The following LEPROTL1 variants were observed in gnomAD, a reference collection of about 807,000 sequenced individuals.
LEPROTL1 encodes the protein leptin receptor overlapping transcript-like 1.
Under a neutral mutation model 15.4 loss-of-function variants are expected in LEPROTL1, and 6 were observed. The observed-to-expected ratio is 0.39, with a 90% confidence interval of 0.21 to 0.77. The LOEUF (loss-of-function observed/expected upper bound fraction) is 0.77, where lower values mean the gene tolerates loss of function less well. Ranked by LOEUF, LEPROTL1 falls within the 30% of genes least tolerant of loss-of-function variation. The probability of loss-of-function intolerance (pLI) is 0.41; values close to 1 mark genes in which losing one functional copy is unlikely to be tolerated. For synonymous variants in LEPROTL1, 56 were observed against 52.6 expected, an observed-to-expected ratio of 1.06 and a Z score of -0.28; for missense variants, 128 against 158.1, an observed-to-expected ratio of 0.81 and a Z score of 1.02.
chr8:30,119,785 T>C (rs1014672334), intron 3 of LEPROTL1, among the ~76,000 whole-genome samples: 2 of 152,166 alleles, frequency 1.3e-5, no homozygotes, highest in Admixed American at 6.5e-5. Context: ...AAAATGCTTT[T>C]AAGTTGGGCC....
chr8:30,107,057 T>C lies in LEPROTL1; in HGVS notation c.*1195T>C, dbSNP rs1802580030. On this transcript the variant is annotated 3_prime_UTR_variant, in exon 4 of 4. Transcript: ENST00000321250. ...TAGACCATGGTAATAGTAGTTCTTA[T>C]TCTCTAAGGTTATATCATATGTAAT... The C allele has an allele frequency of 4.1e-6, 4 of 973,186 alleles. No homozygotes were observed. The highest frequency in any genetic ancestry group is 5.2e-4 in the Middle Eastern group (1 of 1,918). 60.3% of individuals were successfully genotyped at this position (973,186 alleles called of 1,614,324 possible).
At chr8:30,120,060 C>CATCA (rs1237145855) in intron 3 of LEPROTL1, among the ~76,000 whole-genome samples, 2 of 123,068 alleles carry the variant, frequency 1.6e-5, no homozygotes, top group African/African-American at 5.7e-5. Context: ...AGTGAGACTC[C>CATCA]ATCAATAAAT....
intron 4 of LEPROTL1, among the ~76,000 whole-genome samples, chr8:30,135,847 G>A (rs542584003): frequency 3.4e-4 from 51 of 150,428 alleles, no homozygotes; most frequent in African/African-American, 7.1e-4. Flanking sequence ...CCAGGAGGTC[G>A]AGGCTGCAGT....
At chr8:30,124,298 T>C (rs1326953215) in intron 3 of LEPROTL1, among the ~76,000 whole-genome samples, 1 of 152,164 alleles carries the variant, frequency 6.6e-6, no homozygotes, top group African/African-American at 2.4e-5. Context: ...TTCTTCCTTA[T>C]CTACCCAGTA....
At chr8:30,105,061 G>C (rs564251696) in intron 3 of LEPROTL1, 1 of 152,440 alleles carries the variant, frequency 6.6e-6, no homozygotes, top group South Asian at 2.1e-4. Flanking sequence ...AACTCCCCCA[G>C]TGCTGAACAA....
At chr8:30,096,333 T>G in intron 1 of LEPROTL1, 1 of 985,140 alleles carries the variant, frequency 1.0e-6, no homozygotes, top group Non-Finnish European at 1.2e-6. Context: ...GTCAGTGTGA[T>G]GAGAAGCAAA....
chr8:30,123,632 A>T (rs143575065), intron 3 of LEPROTL1, among the ~76,000 whole-genome samples: 164 of 152,320 alleles, frequency 1.1e-3, no homozygotes, highest in African/African-American at 3.7e-3. Flanking sequence ...ATACATATAC[A>T]CACATACAAA....
At chr8:30,096,255 G>A (rs1003033166) in intron 1 of LEPROTL1, 7 of 963,536 alleles carry the variant, frequency 7.3e-6, no homozygotes, top group Non-Finnish European at 6.2e-6. Context: ...AAAACTACTG[G>A]CTTATTCATG....
chr8:30,138,195 GTAA>G (rs1803188818), downstream of LEPROTL1: 1 of 192,886 alleles, frequency 5.2e-6, no homozygotes, highest in African/African-American at 2.3e-5. Flanking sequence ...AAAGCTTGGA[GTAA>G]TAATAAAACT....
chr8:30,115,562 T>G, intron 3 of LEPROTL1, among the ~76,000 whole-genome samples: 1 of 142,872 alleles, frequency 7.0e-6, no homozygotes, highest in Non-Finnish European at 1.5e-5. Context: ...TTTTTTTTTT[T>G]TTTTTGTAGA....
chr8:30,138,211 C>T (rs549449796), downstream of LEPROTL1: 4 of 206,226 alleles, frequency 1.9e-5, no homozygotes, highest in East Asian at 4.1e-4. Context: ...ATAAAACTGG[C>T]CTGTCTCCCG....
intron 4 of LEPROTL1, chr8:30,137,169 A>G: frequency 2.3e-6 from 2 of 883,852 alleles, no homozygotes; most frequent in Non-Finnish European, 3.5e-6. Flanking sequence ...GGAACATGAG[A>G]TCTCCAGATC....
chr8:30,131,443 C>T (rs1347589767), intron 3 of LEPROTL1, among the ~76,000 whole-genome samples: 2 of 151,848 alleles, frequency 1.3e-5, no homozygotes, highest in African/African-American at 4.8e-5. Context: ...TTATGAGCCA[C>T]TGCACCTGGC....
chr8:30,108,548 G>A (rs1019027448), downstream of LEPROTL1: 3 of 151,926 alleles, frequency 2.0e-5, no homozygotes, highest in Admixed American at 6.6e-5. Context: ...GTCCCAAATT[G>A]TCCTAATTAT....
At chr8:30,110,126 T>G (rs17490430), downstream of LEPROTL1, among the ~76,000 whole-genome samples, 2 of 152,234 alleles carry the variant, frequency 1.3e-5, no homozygotes, top group Admixed American at 1.3e-4. Flanking sequence ...CAAGAAACTT[T>G]ATACTGTATG....
downstream of LEPROTL1, among the ~76,000 whole-genome samples, chr8:30,109,010 A>G (rs1802615229): frequency 6.6e-6 from 1 of 150,798 alleles, no homozygotes; most frequent in Non-Finnish European, 1.5e-5. Context: ...AGCCATCACC[A>G]CCACAACCCC....
At chr8:30,135,028 C>T (rs916481315) in intron 4 of LEPROTL1, among the ~76,000 whole-genome samples, 2 of 150,586 alleles carry the variant, frequency 1.3e-5, no homozygotes, top group African/African-American at 2.4e-5. Context: ...TTCAGACATG[C>T]GCTACCACGC....
chr8:30,133,047 A>G (rs1423479282), intron 4 of LEPROTL1: 1 of 634,656 alleles, frequency 1.6e-6, no homozygotes, highest in East Asian at 3.1e-5. Flanking sequence ...AGGACCCCAC[A>G]CAAAATAAAT....
chr8:30,130,780 A>ATT (rs1347893720), intron 3 of LEPROTL1, among the ~76,000 whole-genome samples: 4 of 106,428 alleles, frequency 3.8e-5, no homozygotes, highest in Admixed American at 1.2e-4. Context: ...TTCAAAAAAA[A>ATT]ATTTTTTTTT....
Sources: allele counts gnomAD v4.1 joint callset (sites outside exome capture counted in the v4.1 genomes callset), GRCh38; gene constraint gnomAD v4.1.1; transcripts MANE v1.5; gene names NCBI Gene and HGNC (gene_info 2026-07-23, HGNC 2026-07-21).